DPH6: variants seen among roughly 807,000 people sequenced by gnomAD.
DPH6 encodes the protein diphthamine biosynthesis 6.
Under a neutral mutation model 38.2 loss-of-function variants are expected in DPH6, and 33 were observed. That is an observed-to-expected ratio of 0.86 (90% CI 0.65 to 1.15). DPH6 has a LOEUF of 1.15. Ranked by LOEUF, DPH6 falls within the 50% of genes most tolerant of loss-of-function variation. The pLI, the probability that DPH6 is intolerant of heterozygous loss-of-function variation, is 0.00. For missense variants in DPH6, 325 were observed against 320.0 expected (o/e 1.02, Z -0.12); for synonymous variants, 108 against 103.0 (o/e 1.05, Z -0.30).
intron 4 of DPH6, among the ~76,000 whole-genome samples, chr15:35,451,291 A>C (rs2053929837): frequency 6.6e-6 from 1 of 152,194 alleles, no homozygotes; most frequent in Non-Finnish European, 1.5e-5. Flanking sequence ...AAAAAAGTAC[A>C]ATGCTGCAGG....
chr15:35,342,896 T>G (rs2052432913), intron 3 of DPH6, among the ~76,000 whole-genome samples: 1 of 152,192 alleles, frequency 6.6e-6, no homozygotes, highest in South Asian at 2.1e-4. Flanking sequence ...CTCTCTGTAG[T>G]AGTCCTGAAA....
intron 3 of DPH6, among the ~76,000 whole-genome samples, chr15:35,279,068 A>AAAAAAATAT (rs1555390826): frequency 9.7e-6 from 1 of 102,992 alleles, no homozygotes; most frequent in Admixed American, 1.1e-4. Flanking sequence ...AAAAAAAAAA[A>AAAAAAATAT]ATATATATAT....
At chr15:35,463,787 G>GATAT (rs932317720) in intron 3 of DPH6, among the ~76,000 whole-genome samples, 17 of 151,220 alleles carry the variant, frequency 1.1e-4, no homozygotes, top group African/African-American at 3.9e-4. Flanking sequence ...TATACCTATG[G>GATAT]ATATATATAT....
At chr15:35,470,968 A>C (rs1316159175) in intron 3 of DPH6, among the ~76,000 whole-genome samples, 1 of 151,484 alleles carries the variant, frequency 6.6e-6, no homozygotes, top group Non-Finnish European at 1.5e-5. Flanking sequence ...GAATTATTAG[A>C]AAAAAAAATA....
chr15:35,482,645 A>G (rs2054342098), intron 3 of DPH6, among the ~76,000 whole-genome samples: 1 of 152,212 alleles, frequency 6.6e-6, no homozygotes, highest in South Asian at 2.1e-4. Flanking sequence ...AAGTATAGAT[A>G]CAACTGAGTA....
exon 4 of DPH6, chr15:35,217,359 T>G (rs1280885409): frequency 6.6e-6 from 1 of 152,154 alleles, no homozygotes; most frequent in Non-Finnish European, 1.5e-5. Flanking sequence ...TTATTTATTT[T>G]TTATTTTTTT....
At chr15:35,154,335 A>C in the DPH6 span, among the ~76,000 whole-genome samples, 1 of 152,156 alleles carries the variant, frequency 6.6e-6, no homozygotes, top group South Asian at 2.1e-4. Context: ...AAAATAAATA[A>C]ATAAATATTT....
intron 3 of DPH6, among the ~76,000 whole-genome samples, chr15:35,242,248 G>A (rs318349): frequency 0.71 from 100,710 of 141,116 alleles, 43,883 homozygotes; most frequent in Non-Finnish European, 0.92. Flanking sequence ...CCTGCTGATC[G>A]TGTCCAGCTG....
rs757556558 is a variant in DPH6, at chr15:35,454,760, G to T, written c.373C>A (p.Arg125=). The change falls in exon 4 of 9, where the codon CGA becomes AGA. Residue 125 remains arginine (R), a synonymous_variant. Coordinates refer to ENST00000256538, the MANE Select transcript of DPH6 (RefSeq NM_080650.4). ...GAILSDYQRI[R]VENVCKRLNL... is the part of the protein sequence containing the mutation. ...ATGTTTTCTTACACATTTTCCACTC[G>T]AATACGCTGATAGTCAGAAAGTATA... 14 of 1,606,664 alleles carry T rather than the reference G, an allele frequency of 8.7e-6. No individual in the cohort carries two copies. Among genetic ancestry groups the T allele is most frequent in the Non-Finnish European group, 1.2e-5 (14 of 1,177,052 alleles).
chr15:35,384,745 A>G (rs996824047), intron 6 of DPH6, among the ~76,000 whole-genome samples: 19 of 152,226 alleles, frequency 1.2e-4, no homozygotes, highest in East Asian at 9.7e-4. Context: ...GCATGCAGGG[A>G]TGAGGAGAAG....
rs112255159 is a variant in DPH6, at chr15:35,478,128, A to G, written c.313-23308T>C. On this transcript the variant is annotated intron_variant, in intron 3 of 8. Transcript: ENST00000256538. ...AAAAAATTATCAGTAACTCAAAGAA[A>G]CAGCAGCCTTAGGCTTCATCAGTGC... Among the ~76,000 whole-genome samples, 434 of 152,052 alleles carry G rather than the reference A, an allele frequency of 2.9e-3. 2 individuals are homozygous for G. Among genetic ancestry groups the G allele is most frequent in the African/African-American group, 0.01 (422 of 41,558 alleles).
intron 3 of DPH6, chr15:35,489,574 GA>G (rs2054449472): frequency 2.0e-6 from 2 of 982,492 alleles, no homozygotes. Context: ...AAATTTTTCT[GA>G]ATAATCATAA....
intron 3 of DPH6, among the ~76,000 whole-genome samples, chr15:35,504,872 T>C (rs2054674196): frequency 6.6e-6 from 1 of 152,162 alleles, no homozygotes; most frequent in South Asian, 2.1e-4. Context: ...CAAGCAATCT[T>C]TGAGGAAATA....
chr15:35,313,824 CT>C (rs2052164755), intron 3 of DPH6, among the ~76,000 whole-genome samples: 2 of 152,054 alleles, frequency 1.3e-5, no homozygotes, highest in Non-Finnish European at 2.9e-5. Flanking sequence ...AATCTAAGAC[CT>C]GAAACTATGA....
At chr15:35,383,959 T>C (rs1210303625) in intron 6 of DPH6, among the ~76,000 whole-genome samples, 1 of 152,244 alleles carries the variant, frequency 6.6e-6, no homozygotes, top group African/African-American at 2.4e-5. Flanking sequence ...GACGTATGCA[T>C]GTGATAGGTC....
chr15:35,474,779 G>C (rs2054244509), intron 3 of DPH6, among the ~76,000 whole-genome samples: 1 of 152,044 alleles, frequency 6.6e-6, no homozygotes, highest in Admixed American at 6.6e-5. Context: ...TACATGAAAT[G>C]TGTACATTCA....
At chr15:35,430,936 A>G (rs1235128385) in intron 5 of DPH6, among the ~76,000 whole-genome samples, 1 of 152,162 alleles carries the variant, frequency 6.6e-6, no homozygotes. Flanking sequence ...CAGTTTAGAC[A>G]GTGGCTTTTA....
the DPH6 span, among the ~76,000 whole-genome samples, chr15:35,164,489 G>T: frequency 6.6e-6 from 1 of 151,488 alleles, no homozygotes; most frequent in Non-Finnish European, 1.5e-5. Context: ...AAAACTGTAA[G>T]TATCAGCAGT....
chr15:35,394,038 T>C (rs1393218791), intron 6 of DPH6, among the ~76,000 whole-genome samples: 1 of 152,172 alleles, frequency 6.6e-6, no homozygotes, highest in Non-Finnish European at 1.5e-5. Flanking sequence ...GGCTTCCACA[T>C]TACTATATTT....
Sources: allele counts gnomAD v4.1 joint callset (sites outside exome capture counted in the v4.1 genomes callset), GRCh38; gene constraint gnomAD v4.1.1; transcripts MANE v1.5; gene names NCBI Gene and HGNC (gene_info 2026-07-23, HGNC 2026-07-21).